The following NAALADL2 variants were observed in gnomAD, a reference collection of about 807,000 sequenced individuals.
NAALADL2 encodes the protein inactive N-acetylated-alpha-linked acidic dipeptidase-like protein 2.
In NAALADL2, 76 loss-of-function variants were observed where a neutral mutation model predicts 87.2. The ratio of observed to expected loss-of-function variants is 0.87; its 90% CI spans 0.72 to 1.05. The LOEUF is 1.05. Among genes scored for constraint, NAALADL2 ranks in the 50% least tolerant of loss-of-function variants. The probability of loss-of-function intolerance (pLI) is 0.00; values close to 1 mark genes in which losing one functional copy is unlikely to be tolerated. For missense variants in NAALADL2, 1,089 were observed against 945.8 expected (o/e 1.15, Z -1.99); for synonymous variants, 354 against 331.0 (o/e 1.07, Z -0.75).
intron 2 of NAALADL2, among the ~76,000 whole-genome samples, chr3:174,668,053 G>T (rs750447099): frequency 3.9e-5 from 6 of 151,960 alleles, no homozygotes; most frequent in Non-Finnish European, 8.8e-5. Flanking sequence ...TTTTGCAGTG[G>T]TTACTCTAGT....
chr3:175,428,174 C>T (rs1039537191), intron 5 of NAALADL2, among the ~76,000 whole-genome samples: 5 of 152,030 alleles, frequency 3.3e-5, no homozygotes, highest in African/African-American at 1.2e-4. Context: ...AAAAAAACTA[C>T]CTGAGTACTT....
intron 5 of NAALADL2, among the ~76,000 whole-genome samples, chr3:175,406,858 C>T (rs1581757307): frequency 6.6e-6 from 1 of 151,442 alleles, no homozygotes; most frequent in Admixed American, 6.6e-5. Context: ...CAGTTTTATT[C>T]AAATAAAAAT....
At chr3:174,636,192 A>G (rs1038328505) in intron 2 of NAALADL2, among the ~76,000 whole-genome samples, 6 of 152,182 alleles carry the variant, frequency 3.9e-5, no homozygotes, top group African/African-American at 1.2e-4. Context: ...TCAACTCGAG[A>G]TGTATTAAGG....
chr3:174,983,119 A>T (rs1353749209), intron 1 of NAALADL2, among the ~76,000 whole-genome samples: 1 of 151,970 alleles, frequency 6.6e-6, no homozygotes, highest in Non-Finnish European at 1.5e-5. Context: ...TATTACTCCT[A>T]GTTTCCAAGA....
At chr3:175,761,148 A>G (rs1171959479) in intron 13 of NAALADL2, among the ~76,000 whole-genome samples, 1 of 152,138 alleles carries the variant, frequency 6.6e-6, no homozygotes, top group East Asian at 1.9e-4. Flanking sequence ...AATAATATGT[A>G]CCCACTGTTG....
intron 9 of NAALADL2, among the ~76,000 whole-genome samples, chr3:175,533,725 G>A (rs955633187): frequency 6.6e-6 from 1 of 152,136 alleles, no homozygotes; most frequent in Admixed American, 6.5e-5. Context: ...TTGCAGGTCA[G>A]CCACTTGCTT....
chr3:174,923,903 C>G (rs545575558), intron 1 of NAALADL2, among the ~76,000 whole-genome samples: 1 of 151,978 alleles, frequency 6.6e-6, no homozygotes, highest in Non-Finnish European at 1.5e-5. Context: ...CATGCCTTGT[C>G]CCCTGGCAGA....
chr3:175,342,441 G>A (rs1762656873), intron 5 of NAALADL2, among the ~76,000 whole-genome samples: 1 of 151,864 alleles, frequency 6.6e-6, no homozygotes, highest in Non-Finnish European at 1.5e-5. Flanking sequence ...TATTAAAGTT[G>A]ATGACAATCC....
intron 3 of NAALADL2, among the ~76,000 whole-genome samples, chr3:174,791,468 C>T (rs1046104782): frequency 4.1e-4 from 63 of 152,318 alleles, no homozygotes; most frequent in African/African-American, 1.5e-3. Flanking sequence ...TCACCAGATG[C>T]AGAATCTACA....
intron 2 of NAALADL2, among the ~76,000 whole-genome samples, chr3:175,108,663 T>C (rs572688690): frequency 1.3e-4 from 20 of 152,134 alleles, no homozygotes; most frequent in Admixed American, 5.9e-4. Context: ...ATTTAAAAGC[T>C]CTAATTTATT....
At chr3:175,240,167 A>G (rs2109585566) in intron 3 of NAALADL2, among the ~76,000 whole-genome samples, 1 of 152,336 alleles carries the variant, frequency 6.6e-6, no homozygotes, top group South Asian at 2.1e-4. Context: ...TTTAATTAAA[A>G]GTGAAAGCTC....
chr3:175,465,843 C>G (rs149902301), intron 7 of NAALADL2, among the ~76,000 whole-genome samples: 2 of 152,288 alleles, frequency 1.3e-5, no homozygotes, highest in East Asian at 1.9e-4. Context: ...TATCTTCATA[C>G]TGTGGCATTT....
chr3:174,459,592 T>C (rs1475070595), intron 1 of NAALADL2: 1 of 152,214 alleles, frequency 6.6e-6, no homozygotes, highest in African/African-American at 2.4e-5. Flanking sequence ...ATTGTAGAAT[T>C]GCTGAGTTCT....
chr3:175,558,150 A>C (rs56357643), intron 9 of NAALADL2, among the ~76,000 whole-genome samples: 19,390 of 143,856 alleles, frequency 0.13, 1,372 homozygotes, highest in Middle Eastern at 0.19. Context: ...AGCTGAGATC[A>C]CGCCACTGCA....
chr3:175,288,006 A>C (rs2110122428), intron 4 of NAALADL2, among the ~76,000 whole-genome samples: 1 of 152,316 alleles, frequency 6.6e-6, no homozygotes, highest in Admixed American at 6.5e-5. Flanking sequence ...ATATGATCAT[A>C]TAACATCTTA....
At chr3:175,721,391 C>T (rs552877928) in intron 11 of NAALADL2, among the ~76,000 whole-genome samples, 8 of 151,992 alleles carry the variant, frequency 5.3e-5, no homozygotes, top group African/African-American at 1.7e-4. Flanking sequence ...ATTATAATAG[C>T]GTTGTAAATA....
intron 1 of NAALADL2, among the ~76,000 whole-genome samples, chr3:174,883,834 T>C (rs1729729451): frequency 6.6e-6 from 1 of 152,148 alleles, no homozygotes; most frequent in Non-Finnish European, 1.5e-5. Context: ...CTGTCTGGAT[T>C]GGGCTGTTGT....
rs974425891 is a variant in NAALADL2, at chr3:175,089,011, C to G, written c.44-7779C>G. ...AGCAGAGTTGCTTTGCTCTTTGTCC[C>G]TCAACAGCAGGAGAAAAAAAAAATT... On this transcript the variant is annotated intron_variant, in intron 1 of 13. Transcript: ENST00000454872. Among the ~76,000 whole-genome samples the G allele has an allele frequency of 2.7e-5, 4 of 146,416 alleles. No individual in the cohort carries two copies. In the South Asian group the frequency reaches 8.5e-4, roughly 31 times the overall value.
chr3:174,642,761 TATATATATATATATATATATATATATATG>T (rs1389674145), intron 2 of NAALADL2, among the ~76,000 whole-genome samples: 3 of 33,052 alleles, frequency 9.1e-5, no homozygotes, highest in African/African-American at 5.1e-4. Flanking sequence ...TATATATATA[TATATATATATATATATATATATATATATG>T]TTTTTTTTCA....
Sources: allele counts gnomAD v4.1 joint callset (sites outside exome capture counted in the v4.1 genomes callset), GRCh38; gene constraint gnomAD v4.1.1; transcripts MANE v1.5; gene names NCBI Gene and HGNC (gene_info 2026-07-23, HGNC 2026-07-21).